Variants in LUZP2 observed in about 807,000 individuals in gnomAD.
LUZP2 encodes the protein leucine zipper protein 2.
A neutral mutation model predicts 51.6 loss-of-function variants in LUZP2; 52 were observed. The observed-to-expected ratio is 1.01, with a 90% CI of 0.81 to 1.27. LUZP2 has a LOEUF of 1.27. Among genes scored for constraint, LUZP2 ranks in the 50% most tolerant of loss-of-function variants. The pLI, the probability that LUZP2 is intolerant of heterozygous loss-of-function variation, is 0.00. For missense variants in LUZP2, 436 were observed against 395.4 expected (o/e 1.10, Z -0.87); for synonymous variants, 154 against 137.3 (o/e 1.12, Z -0.85).
chr11:24,560,409 A>G (rs1310293899), intron 1 of LUZP2, among the ~76,000 whole-genome samples: 3 of 152,190 alleles, frequency 2.0e-5, no homozygotes, highest in Non-Finnish European at 4.4e-5. Flanking sequence ...AATATGTGAC[A>G]TATCATGATT....
rs544523401 is a variant in LUZP2, at chr11:25,078,237, A to G, written c.937-317A>G. Among the ~76,000 whole-genome samples the G allele has an allele frequency of 7.9e-5, 12 of 152,346 alleles. No homozygotes were observed. In the South Asian group the frequency reaches 2.5e-3, roughly 32 times the overall value. ...GACATTCTTAATATTTATTTCACTT[A>G]ATACTAAAACGTGGAGTTAGATTTA... On this transcript the variant is annotated intron_variant, in intron 11 of 11. Transcript: ENST00000336930.
At chr11:24,823,317 T>C (rs1564942293) in intron 5 of LUZP2, among the ~76,000 whole-genome samples, 1 of 151,344 alleles carries the variant, frequency 6.6e-6, no homozygotes, top group Non-Finnish European at 1.5e-5. Flanking sequence ...TTTCAAGTCT[T>C]GGTGTGTTTT....
chr11:24,718,521 T>C (rs1312037685), intron 1 of LUZP2, among the ~76,000 whole-genome samples: 1 of 152,198 alleles, frequency 6.6e-6, no homozygotes, highest in East Asian at 1.9e-4. Context: ...GCAAGGACAG[T>C]ATTTTGCATT....
intron 4 of LUZP2, among the ~76,000 whole-genome samples, chr11:24,752,806 A>G (rs1412201305): frequency 2.0e-5 from 3 of 152,150 alleles, no homozygotes; most frequent in Admixed American, 6.5e-5. Flanking sequence ...CAAAGTTCCA[A>G]TGTATTAGAA....
At chr11:24,955,730 C>T (rs1001085587) in intron 7 of LUZP2, among the ~76,000 whole-genome samples, 2 of 151,912 alleles carry the variant, frequency 1.3e-5, no homozygotes, top group Admixed American at 1.3e-4. Flanking sequence ...ACATTATTAT[C>T]GGCGTACCTT....
chr11:24,826,190 A>AAATATATAT (rs1215786412), intron 5 of LUZP2, among the ~76,000 whole-genome samples: 847 of 67,482 alleles, frequency 0.013, 30 homozygotes, highest in Middle Eastern at 0.047. Flanking sequence ...AAAAAAAAAA[A>AAATATATAT]ATATATATAT....
At chr11:24,644,633 A>C (rs1376121050) in intron 1 of LUZP2, among the ~76,000 whole-genome samples, 1 of 152,064 alleles carries the variant, frequency 6.6e-6, no homozygotes, top group Non-Finnish European at 1.5e-5. Context: ...AATCAAATGG[A>C]GGACTCAAGC....
chr11:24,731,414 G>T (rs1222541035), intron 2 of LUZP2, among the ~76,000 whole-genome samples: 1 of 151,508 alleles, frequency 6.6e-6, no homozygotes, highest in Non-Finnish European at 1.5e-5. Context: ...TTAGTTTATT[G>T]AATATAAATA....
intron 7 of LUZP2, among the ~76,000 whole-genome samples, chr11:24,970,481 G>A (rs1417771313): frequency 1.3e-5 from 2 of 152,086 alleles, no homozygotes; most frequent in African/African-American, 4.8e-5. Context: ...AGAGGGAAAG[G>A]GGTGAAGGGA....
At chr11:24,950,783 A>G (rs989679228) in intron 7 of LUZP2, among the ~76,000 whole-genome samples, 3 of 151,570 alleles carry the variant, frequency 2.0e-5, no homozygotes, top group African/African-American at 7.2e-5. Flanking sequence ...ACCCTTTGAC[A>G]TAGTGAAATA....
intron 1 of LUZP2, among the ~76,000 whole-genome samples, chr11:24,633,996 A>T (rs1412534555): frequency 6.6e-6 from 1 of 151,158 alleles, no homozygotes; most frequent in Non-Finnish European, 1.5e-5. Context: ...AGGACAATAA[A>T]GTCTAAACCT....
chr11:24,638,069 G>C (rs1276770684), intron 1 of LUZP2, among the ~76,000 whole-genome samples: 1 of 151,688 alleles, frequency 6.6e-6, no homozygotes, highest in African/African-American at 2.4e-5. Context: ...CCAACACTTA[G>C]GGAAAATAGA....
At chr11:24,743,308 T>C (rs1189504658) in intron 4 of LUZP2, among the ~76,000 whole-genome samples, 5 of 152,194 alleles carry the variant, frequency 3.3e-5, no homozygotes, top group African/African-American at 1.2e-4. Context: ...ATATTGATTC[T>C]ACCCATCCAT....
chr11:24,684,229 A>T (rs961097699), intron 1 of LUZP2, among the ~76,000 whole-genome samples: 11 of 152,128 alleles, frequency 7.2e-5, no homozygotes, highest in Admixed American at 7.2e-4. Flanking sequence ...ATTTGTTTGC[A>T]TCACTCTACT....
chr11:24,562,393 A>AT (rs1852072398), intron 1 of LUZP2, among the ~76,000 whole-genome samples: 2 of 151,974 alleles, frequency 1.3e-5, no homozygotes, highest in South Asian at 4.1e-4. Context: ...GTTTGATAAG[A>AT]AAGGCACCCC....
At chr11:24,961,331 A>G (rs1013051444) in intron 7 of LUZP2, among the ~76,000 whole-genome samples, 5 of 152,130 alleles carry the variant, frequency 3.3e-5, no homozygotes, top group Non-Finnish European at 5.9e-5. Flanking sequence ...TGATCTGTCT[A>G]ATGTTGACAG....
intron 1 of LUZP2, among the ~76,000 whole-genome samples, chr11:24,719,136 T>A (rs1259290671): frequency 6.6e-6 from 1 of 152,150 alleles, no homozygotes; most frequent in South Asian, 2.1e-4. Flanking sequence ...GTTGATCCAG[T>A]TAGAATTTTA....
intron 9 of LUZP2, among the ~76,000 whole-genome samples, chr11:25,002,699 C>T (rs1488449591): frequency 6.6e-6 from 1 of 152,108 alleles, no homozygotes; most frequent in Non-Finnish European, 1.5e-5. Context: ...TGGGGTTGTC[C>T]CACGAGTATG....
chr11:24,633,987 G>A (rs1854988179), intron 1 of LUZP2, among the ~76,000 whole-genome samples: 1 of 145,308 alleles, frequency 6.9e-6, no homozygotes, highest in Admixed American at 6.9e-5. Context: ...GTCTATTAAA[G>A]GACAATAAAG....
Sources: allele counts gnomAD v4.1 joint callset (sites outside exome capture counted in the v4.1 genomes callset), GRCh38; gene constraint gnomAD v4.1.1; transcripts MANE v1.5; gene names NCBI Gene and HGNC (gene_info 2026-07-23, HGNC 2026-07-21).